Variants in SCAMP1 observed in about 807,000 individuals in gnomAD.
The protein encoded by SCAMP1 is secretory carrier-associated membrane protein 1.
In SCAMP1, 15 loss-of-function variants were observed where a neutral mutation model predicts 41.8. The observed-to-expected ratio is 0.36, with a 90% CI of 0.24 to 0.55. The LOEUF (loss-of-function observed/expected upper bound fraction) is 0.55, where lower values mean the gene tolerates loss of function less well. SCAMP1 is among the 20% of genes least tolerant of loss of function. The pLI, the probability that SCAMP1 is intolerant of heterozygous loss-of-function variation, is 0.86. For synonymous variants in SCAMP1, 135 were observed against 136.8 expected, an observed-to-expected ratio of 0.99 and a Z score of 0.09; for missense variants, 341 against 412.6, an observed-to-expected ratio of 0.83 and a Z score of 1.50.
intron 1 of SCAMP1, among the ~76,000 whole-genome samples, chr5:78,366,920 C>CAAAAAAAAAAAAAAAAAAAACAAAAAAA (rs70998000): frequency 9.0e-6 from 1 of 111,532 alleles, no homozygotes; most frequent in Non-Finnish European, 1.8e-5. Flanking sequence ...GACCCTGTCT[C>CAAAAAAAAAAAAAAAAAAAACAAAAAAA]AAAAAAAAAA....
In SCAMP1 at chr5:78,418,798, C is replaced by T; in HGVS notation, c.367C>T (p.Leu123Phe). ...AGGTAGAAAAAATAATTGGCCACCT[C>T]TTCCTAGCAATTTTCCTGTCGGACC... ...QHGRKNNWPPLPSNFPVGPCF... is the reference protein window; with the variant it reads ...QHGRKNNWPPFPSNFPVGPCF... The change falls in exon 5 of 9, where the codon CTT becomes TTT. Residue 123 changes from leucine (L) to phenylalanine (F), a missense_variant. By Grantham distance (22) the Leu-to-Phe change is conservative (BLOSUM62 0). Coordinates refer to ENST00000621999, the MANE Select transcript of SCAMP1 (RefSeq NM_004866.6). The T allele has an allele frequency of 6.4e-7, 1 of 1,560,504 alleles. No homozygotes were observed. Among genetic ancestry groups the T allele is most frequent in the African/African-American group, 1.4e-5 (1 of 73,054 alleles).
chr5:78,450,446 C>T (rs998897908), intron 7 of SCAMP1, among the ~76,000 whole-genome samples: 4 of 152,106 alleles, frequency 2.6e-5, no homozygotes, highest in Non-Finnish European at 5.9e-5. Flanking sequence ...TTTTTATATA[C>T]GAATATACAT....
intron 1 of SCAMP1, among the ~76,000 whole-genome samples, chr5:78,374,634 A>G (rs1256923585): frequency 6.6e-6 from 1 of 152,102 alleles, no homozygotes; most frequent in Non-Finnish European, 1.5e-5. Context: ...TTACCAAATT[A>G]TATTCACAAA....
At chr5:78,414,827 C>T (rs893798827) in intron 2 of SCAMP1, among the ~76,000 whole-genome samples, 2 of 152,092 alleles carry the variant, frequency 1.3e-5, no homozygotes, top group African/African-American at 4.8e-5. Flanking sequence ...GGGGTTCTAC[C>T]AAGAACTTTC....
intron 6 of SCAMP1, among the ~76,000 whole-genome samples, chr5:78,439,632 C>G (rs561205864): frequency 6.6e-6 from 1 of 152,322 alleles, no homozygotes; most frequent in South Asian, 2.1e-4. Context: ...ACCTTTCTCT[C>G]TGGCTGCCCT....
At chr5:78,451,777 C>T (rs1349666408) in intron 7 of SCAMP1, among the ~76,000 whole-genome samples, 1 of 152,204 alleles carries the variant, frequency 6.6e-6, no homozygotes, top group Non-Finnish European at 1.5e-5. Context: ...GCCTCAGCCT[C>T]CCGAGTAGCT....
intron 2 of SCAMP1, among the ~76,000 whole-genome samples, chr5:78,395,902 A>G (rs542359504): frequency 3.0e-4 from 46 of 152,226 alleles, no homozygotes; most frequent in Non-Finnish European, 6.3e-4. Flanking sequence ...GGTTAGAAGC[A>G]TGTCACAAGT....
intron 2 of SCAMP1, among the ~76,000 whole-genome samples, chr5:78,396,694 C>T (rs1751659458): frequency 6.6e-6 from 1 of 152,010 alleles, no homozygotes; most frequent in African/African-American, 2.4e-5. Flanking sequence ...ACTCCTGGTG[C>T]ACTCGAATAT....
intron 2 of SCAMP1, among the ~76,000 whole-genome samples, chr5:78,390,746 C>T (rs1182354169): frequency 1.3e-5 from 2 of 148,972 alleles, no homozygotes; most frequent in East Asian, 3.9e-4. Context: ...GGAAGGTCAG[C>T]AGATAAACAA....
At chr5:78,395,536 GGT>G (rs1751629447) in intron 2 of SCAMP1, among the ~76,000 whole-genome samples, 1 of 152,146 alleles carries the variant, frequency 6.6e-6, no homozygotes, top group Non-Finnish European at 1.5e-5. Flanking sequence ...CTTTGCTCAG[GGT>G]CTTACAAGGC....
intron 6 of SCAMP1, among the ~76,000 whole-genome samples, chr5:78,430,216 C>CTGT (rs1752580097): frequency 1.1e-5 from 1 of 92,806 alleles, no homozygotes; most frequent in Admixed American, 1.1e-4. Context: ...TTTATAAATA[C>CTGT]AGTATTTATT....
intron 8 of SCAMP1, among the ~76,000 whole-genome samples, chr5:78,469,937 A>AAAAAAAAAAAAG (rs1753844752): frequency 1.5e-4 from 3 of 20,376 alleles, no homozygotes; most frequent in Admixed American, 2.9e-4. Flanking sequence ...AAAAAACAAC[A>AAAAAAAAAAAAG]ACACAGCCCA....
intron 6 of SCAMP1, among the ~76,000 whole-genome samples, chr5:78,433,002 G>T (rs1216904245): frequency 6.6e-6 from 1 of 151,530 alleles, no homozygotes; most frequent in African/African-American, 2.4e-5. Context: ...CCTCAGTTTT[G>T]CTGAGTATAT....
rs1378971214 is a variant in SCAMP1, at chr5:78,479,416, T to A, written c.*3748T>A. ...ATGAGTTGTTTTAAATACTTTTTTA[T>A]TGAGCTAAAAAGTTTTATCTCACAT... On this transcript the variant is annotated 3_prime_UTR_variant, in exon 9 of 9. Transcript: ENST00000621999. 6.6e-6 allele frequency among the ~76,000 whole-genome samples: 1 copy of A among 152,248 alleles called. No individual in the cohort carries two copies. The highest frequency in any genetic ancestry group is 1.5e-5 in the Non-Finnish European group (1 of 68,036).
chr5:78,458,317 A>C lies in SCAMP1; in HGVS notation c.735-928A>C, dbSNP rs150878666. Among the ~76,000 whole-genome samples the C allele has an allele frequency of 4.4e-4, 67 of 152,250 alleles. 1 individual carries two copies. The highest frequency in any genetic ancestry group is 1.6e-3 in the African/African-American group (65 of 41,554). ...GCAATTTAGTCTCCACTTCCTCACC[A>C]GCATTTAGTGGTTATTACTTTTTAT... On this transcript the variant is annotated intron_variant, in intron 7 of 8. Transcript: ENST00000621999.
chr5:78,459,510 G>A (rs1454765150), intron 8 of SCAMP1, 148 bp downstream of exon 8: 1 of 554,482 alleles, frequency 1.8e-6, no homozygotes, highest in Non-Finnish European at 3.2e-6. Flanking sequence ...ACAATTAAAA[G>A]TTATGCATAA....
chr5:78,460,948 C>G (rs1170069403), intron 8 of SCAMP1, among the ~76,000 whole-genome samples: 1 of 151,822 alleles, frequency 6.6e-6, no homozygotes, highest in African/African-American at 2.4e-5. Context: ...CTCCACCTCC[C>G]GTGTTCACAC....
intron 6 of SCAMP1, among the ~76,000 whole-genome samples, chr5:78,433,578 A>G (rs143171211): frequency 2.0e-5 from 3 of 152,064 alleles, no homozygotes; most frequent in South Asian, 2.1e-4. Flanking sequence ...AGAGACTTCA[A>G]ATTACTTTGG....
At chr5:78,459,673 T>G (rs981459172) in intron 8 of SCAMP1, among the ~76,000 whole-genome samples, 2 of 152,214 alleles carry the variant, frequency 1.3e-5, no homozygotes, top group Non-Finnish European at 2.9e-5. Context: ...TTTTTTGATA[T>G]GAAGGATATT....
Sources: allele counts gnomAD v4.1 joint callset (sites outside exome capture counted in the v4.1 genomes callset), GRCh38; gene constraint gnomAD v4.1.1; transcripts MANE v1.5; gene names NCBI Gene and HGNC (gene_info 2026-07-23, HGNC 2026-07-21).